The following KDM2A variants were observed in gnomAD, a reference collection of about 807,000 sequenced individuals.
KDM2A encodes lysine-specific demethylase 2A.
A neutral mutation model predicts 137.3 loss-of-function variants in KDM2A; 3 were observed. The ratio of observed to expected loss-of-function variants is 0.02; its 90% CI spans 0.01 to 0.06. The LOEUF (loss-of-function observed/expected upper bound fraction) is 0.06, where lower values mean the gene tolerates loss of function less well. Among genes scored for constraint, KDM2A ranks in the 10% least tolerant of loss-of-function variants. The probability of loss-of-function intolerance (pLI) is 1.00; values close to 1 mark genes in which losing one functional copy is unlikely to be tolerated. For missense variants in KDM2A, 738 were observed against 1,510.6 expected (o/e 0.49, Z 8.48); for synonymous variants, 512 against 541.5 (o/e 0.95, Z 0.76).
In KDM2A at chr11:67,197,885, TAAC is replaced by T. The variant is rs1020918888; in HGVS notation, c.308-9624_308-9622del. ...TATAAATTGGAATTCCTCAGAAACT[TAAC>T]TACCAATAACCTACTGTTTACTGGA... On this transcript the variant is annotated intron_variant, in intron 5 of 20. Coordinates refer to ENST00000529006, the MANE Select transcript of KDM2A (RefSeq NM_012308.3). Among the ~76,000 whole-genome samples the T allele has an allele frequency of 5.3e-5, 8 of 152,294 alleles. No homozygotes were observed. In the South Asian group the frequency reaches 1.2e-3, roughly 24 times the overall value.
chr11:67,153,824 A>AC (rs1017155187), intron 2 of KDM2A, among the ~76,000 whole-genome samples: 2 of 151,700 alleles, frequency 1.3e-5, no homozygotes, highest in African/African-American at 2.4e-5. Context: ...AAAAAAAAAA[A>AC]AAAAAACACC....
At chr11:67,189,629 C>G (rs888271036) in intron 5 of KDM2A, among the ~76,000 whole-genome samples, 3 of 151,948 alleles carry the variant, frequency 2.0e-5, no homozygotes, top group African/African-American at 7.3e-5. Flanking sequence ...CACCTGAGGT[C>G]AGGAGTTCGA....
Position 67,247,069 on chromosome 11 carries a change from AT to A in KDM2A, c.1965+954del, listed in dbSNP as rs1216840707. Among the ~76,000 whole-genome samples the A allele has an allele frequency of 8.1e-4, 17 of 21,078 alleles. No homozygotes were observed. The East Asian group carries it at 0.01, about 13-fold the overall frequency. The allele number at this position is 21,078 out of a possible 152,430, so 13.8% of individuals were successfully genotyped here. A position where few individuals can be genotyped will look rare whatever the true frequency, so the allele number is the denominator to read the frequency against. ...TATATATATATATATATATATATAT[AT>A]ATTTTTTTTTTTTTTTTTTTTTTTT... On this transcript the variant is annotated intron_variant, in intron 15 of 20. Transcript: ENST00000529006.
rs924523572 is a variant in KDM2A at position 67,240,405 on chromosome 11, G to A, written c.1480-2604G>A. ...CGATCGGCAAACCCTTTCTGGTTTG[G>A]GGTGCGTGTAACTATAGGGACTTTT... is the stretch of plus-strand genomic sequence containing the variant. On this transcript the variant is annotated intron_variant, in intron 12 of 20. Coordinates refer to ENST00000529006, the MANE Select transcript of KDM2A (RefSeq NM_012308.3). 3.3e-6 allele frequency: 5 copies of A among 1,514,138 alleles called. No homozygotes were observed. The African/African-American group carries it at 6.9e-5, about 21-fold the overall frequency. The allele number at this position is 1,514,138 out of a possible 1,614,324, so 93.8% of individuals were successfully genotyped here.
chr11:67,151,466 C>CGA (rs1856387602), intron 2 of KDM2A, among the ~76,000 whole-genome samples: 1 of 151,826 alleles, frequency 6.6e-6, no homozygotes, highest in Non-Finnish European at 1.5e-5. Context: ...CTGCACCTTC[C>CGA]GCCTCCCGAA....
rs377136367 is a variant in KDM2A, at chr11:67,207,520, C to T, written c.318C>T (p.Arg106=). The change falls in exon 6 of 21, where the codon CGC becomes CGT. Residue 106 remains arginine, a synonymous_variant. Transcript: ENST00000529006. ...CATCTTTTATGGCAGGGAGTCGTCGCATGGTGGATGTCATGGACGTGAACA... is the reference window on the plus strand; with the variant it reads ...CATCTTTTATGGCAGGGAGTCGTCGTATGGTGGATGTCATGGACGTGAACA... The part of the protein sequence containing the change: ...NDVKMCVGSR[R]MVDVMDVNTQ... 74 of 1,595,192 alleles carry T rather than the reference C, an allele frequency of 4.6e-5. No homozygotes were observed. The African/African-American group carries it at 9.6e-4, about 21-fold the overall frequency.
chr11:67,129,552 G>C (rs1456058214), intron 2 of KDM2A, among the ~76,000 whole-genome samples: 1 of 152,060 alleles, frequency 6.6e-6, no homozygotes, highest in Non-Finnish European at 1.5e-5. Flanking sequence ...GGCTAACACG[G>C]TGAAACCCCG....
intron 5 of KDM2A, among the ~76,000 whole-genome samples, chr11:67,183,714 C>CT (rs1308874327): frequency 6.6e-6 from 1 of 152,186 alleles, no homozygotes; most frequent in African/African-American, 2.4e-5. Flanking sequence ...TTGCACACAG[C>CT]TTATAGGAGC....
rs997523995 is a variant in KDM2A at position 67,145,109 on chromosome 11, T to C, written c.42+23751T>C. Among the ~76,000 whole-genome samples, 5 of 149,360 alleles carry C rather than the reference T, an allele frequency of 3.3e-5. 1 individual carries two copies. Among genetic ancestry groups the C allele is most frequent in the Non-Finnish European group, 7.4e-5 (5 of 67,406 alleles). ...CGGGTCTTGAACTCCTGACCTCAGG[T>C]GATCTGCCCAGCTTGGCCTCCCAAA... is the stretch of plus-strand genomic sequence containing the variant. On this transcript the variant is annotated intron_variant, in intron 2 of 20. Coordinates refer to ENST00000529006, the MANE Select transcript of KDM2A (RefSeq NM_012308.3).
intron 5 of KDM2A, among the ~76,000 whole-genome samples, chr11:67,203,838 C>T (rs998636495): frequency 4.0e-5 from 6 of 149,316 alleles, no homozygotes; most frequent in Non-Finnish European, 7.4e-5. Flanking sequence ...CTTGCTGTGT[C>T]GCCCAGGTCC....
rs558764657 is a variant in KDM2A at position 67,214,696 on chromosome 11, T to C, written c.487-644T>C. On this transcript the variant is annotated intron_variant, in intron 6 of 20. Coordinates refer to ENST00000529006, the MANE Select transcript of KDM2A (RefSeq NM_012308.3). The stretch of plus-strand genomic sequence containing the variant: ...TGTGTTGCCCAGGCTGGTCTTAAAC[T>C]CCTGGGTTCAAGTGATCTTCCCACC... 2.0e-5 allele frequency among the ~76,000 whole-genome samples: 3 copies of C among 152,302 alleles called. No individual in the cohort carries two copies. In the East Asian group the frequency reaches 5.8e-4, roughly 29 times the overall value.
intron 2 of KDM2A, among the ~76,000 whole-genome samples, chr11:67,154,486 G>T (rs558146293): frequency 6.6e-6 from 1 of 152,152 alleles, no homozygotes; most frequent in Non-Finnish European, 1.5e-5. Context: ...AGGCTGGAGC[G>T]CAATGGCGTG....
chr11:67,120,733 G>T (rs1565365886), intron 1 of KDM2A, among the ~76,000 whole-genome samples: 1 of 152,102 alleles, frequency 6.6e-6, no homozygotes, highest in Non-Finnish European at 1.5e-5. Flanking sequence ...TACAGGAGGG[G>T]TATGGGAAAT....
chr11:67,221,988 T>G lies in KDM2A; in HGVS notation c.957+2585T>G, dbSNP rs6591238. Among the ~76,000 whole-genome samples the G allele has an allele frequency of 4.1e-3, 603 of 146,724 alleles. 4 individuals are homozygous for G. The highest frequency in any genetic ancestry group is 0.014 in the African/African-American group (552 of 39,982). ...TCTAAAATAGGTAAATATTCTAAAATAGGGAAAATGTTTCAAAAGAAAAAA... is the reference window on the plus strand; with the variant it reads ...TCTAAAATAGGTAAATATTCTAAAAGAGGGAAAATGTTTCAAAAGAAAAAA... On this transcript the variant is annotated intron_variant, in intron 10 of 20. Coordinates refer to ENST00000529006, the MANE Select transcript of KDM2A (RefSeq NM_012308.3).
chr11:67,250,123 A>G lies in KDM2A; in HGVS notation c.2093A>G (p.Gln698Arg). 1 of 1,604,864 alleles carries G rather than the reference A, an allele frequency of 6.2e-7. No individual in the cohort carries two copies. Among genetic ancestry groups the G allele is most frequent in the Non-Finnish European group, 8.5e-7 (1 of 1,175,920 alleles). Reference protein sequence around the residue: ...KMEESDEEAVQAKVLRPLRSC... With the variant: ...KMEESDEEAVRAKVLRPLRSC... The stretch of plus-strand genomic sequence containing the variant: ...GAAGAGAGTGACGAAGAAGCTGTGC[A>G]AGCCAAAGTCCTGCGGCCCCTGCGG... The change falls in exon 17 of 21, where the codon CAA (glutamine) becomes CGA (arginine). Residue 698 changes from glutamine to arginine, a missense_variant. Gln to Arg is a conservative substitution (Grantham distance 43). Transcript: ENST00000529006. This position sits in a 1 kb window ranked among gnomAD's most constrained non-coding sequence, Gnocchi z 7.1.
At chr11:67,185,637 CA>C (rs35825424) in intron 5 of KDM2A, among the ~76,000 whole-genome samples, 3,715 of 102,266 alleles carry the variant, frequency 0.036, 78 homozygotes, top group African/African-American at 0.077. Flanking sequence ...AACTCTGTCG[CA>C]AAAAAAAAAA....
chr11:67,183,521 T>C (rs1857134342), intron 5 of KDM2A, among the ~76,000 whole-genome samples: 1 of 152,232 alleles, frequency 6.6e-6, no homozygotes, highest in Admixed American at 6.5e-5. Context: ...GCAGAATCTG[T>C]CTGATACAAC....
chr11:67,239,760 C>G (rs1306309119), intron 12 of KDM2A, among the ~76,000 whole-genome samples: 1 of 152,226 alleles, frequency 6.6e-6, no homozygotes, highest in African/African-American at 2.4e-5. Context: ...GCCAAGGTGC[C>G]TAGTGTAGCC....
At chr11:67,205,779 G>T (rs1857787792) in intron 5 of KDM2A, among the ~76,000 whole-genome samples, 1 of 151,976 alleles carries the variant, frequency 6.6e-6, no homozygotes, top group African/African-American at 2.4e-5. Context: ...ACCGTGCCCG[G>T]CCAGACATAC....
Sources: allele counts gnomAD v4.1 joint callset (sites outside exome capture counted in the v4.1 genomes callset), GRCh38; gene constraint gnomAD v4.1.1; non-coding constraint Gnocchi (gnomAD v3.1); transcripts MANE v1.5; gene names NCBI Gene and HGNC (gene_info 2026-07-23, HGNC 2026-07-21).